Variants in SLC34A1 observed in about 807,000 individuals in gnomAD.
SLC34A1 encodes solute carrier family 34 member 1.
SLC34A1 carries 57 observed loss-of-function variants against 51.4 expected under a neutral mutation model. The observed-to-expected ratio is 1.11, with a 90% CI of 0.90 to 1.38. The LOEUF (loss-of-function observed/expected upper bound fraction) is 1.38, where lower values mean the gene tolerates loss of function less well. Among genes scored for constraint, SLC34A1 ranks in the 40% most tolerant of loss-of-function variants. SLC34A1 has a pLI of 0.00. For missense variants in SLC34A1, 796 were observed against 835.6 expected, an observed-to-expected ratio of 0.95 and a Z score of 0.58; for synonymous variants, 368 against 358.0, an observed-to-expected ratio of 1.03 and a Z score of -0.32.
chr5:177,397,369 G>GA (rs1212867610), intron 12 of SLC34A1: 2 of 504,146 alleles, frequency 4.0e-6, no homozygotes, highest in African/African-American at 3.9e-5. Flanking sequence ...GCAGTTTGGG[G>GA]AATCCATTGC....
chr5:177,393,464 C>T (rs1453772808), intron 8 of SLC34A1, among the ~76,000 whole-genome samples: 1 of 152,098 alleles, frequency 6.6e-6, no homozygotes. Context: ...AGAGCTGGGC[C>T]AGTGGAGTGA....
intron 8 of SLC34A1, chr5:177,389,623 C>A: frequency 6.5e-7 from 1 of 1,537,244 alleles, no homozygotes; most frequent in South Asian, 1.2e-5. Flanking sequence ...TCACCACAAG[C>A]CTCTCTACTT....
Position 177,398,830 on chromosome 5 carries a change from T to TC in SLC34A1, c.*544_*545insC. 6.1e-6 allele frequency: 1 copy of TC among 163,912 alleles called. No homozygotes were observed. The highest frequency in any genetic ancestry group is 1.4e-5 in the Non-Finnish European group (1 of 73,628). The allele number at this position is 163,912 out of a possible 1,614,324, so 10.2% of individuals were successfully genotyped here. A position where few individuals can be genotyped will look rare whatever the true frequency, so the allele number is the denominator to read the frequency against. On this transcript the variant is annotated 3_prime_UTR_variant, in exon 13 of 13. Transcript: ENST00000324417. This position sits in a 1 kb window ranked among gnomAD's most constrained non-coding sequence, Gnocchi z 4.7. ...GCCTGATGGAAAAAAAACAAAGGAA[T>TC]TAAAACTCTCCTCAGGCATTCGGAA...
intron 5 of SLC34A1, 115 bp from the exon 6 acceptor site, chr5:177,387,647 C>G (rs551135625): frequency 1.2e-6 from 1 of 866,254 alleles, no homozygotes; most frequent in African/African-American, 1.6e-5. Flanking sequence ...GACTCAGCAG[C>G]ATGGCAGGAG....
rs1342902229 is a variant in SLC34A1, at chr5:177,388,310, GGT to G, written c.876_877del (p.Asp293Ter). The G allele has an allele frequency of 3.1e-6, 5 of 1,614,026 alleles. No individual in the cohort carries two copies. In the African/African-American group the frequency reaches 6.7e-5, roughly 22 times the overall value. On this transcript the variant is annotated frameshift_variant, in exon 8 of 13. Coordinates refer to ENST00000324417, the MANE Select transcript of SLC34A1 (RefSeq NM_003052.5). LOFTEE classifies it high-confidence loss of function. This position sits in a 1 kb window ranked among gnomAD's most constrained non-coding sequence, Gnocchi z 4.3. ...DESVITSIATGDESLRNHSLI... is the reference protein window; with the variant it reads ...DESVITSIATXDESLRNHSLI... ...GTCTGTGATAACCAGCATTGCCACTGGTGATGAGTCCCTGAGGAACCACAGTC... is the reference window on the plus strand; with the variant it reads ...GTCTGTGATAACCAGCATTGCCACTGGATGAGTCCCTGAGGAACCACAGTC...
intron 12 of SLC34A1, 71 bp from the exon 13 acceptor site, chr5:177,397,712 T>C (rs1763016730): frequency 6.3e-7 from 1 of 1,586,768 alleles, no homozygotes; most frequent in African/African-American, 1.3e-5. Context: ...TCCTATCATC[T>C]ACCCCTGCTG....
chr5:177,389,039 G>A (rs1056390563), intron 8 of SLC34A1, among the ~76,000 whole-genome samples: 1 of 152,114 alleles, frequency 6.6e-6, no homozygotes, highest in African/African-American at 2.4e-5. Context: ...TGCTGGCATC[G>A]GGGGTTCCTT....
intron 8 of SLC34A1, among the ~76,000 whole-genome samples, chr5:177,393,129 T>C (rs1762859053): frequency 6.6e-6 from 1 of 152,068 alleles, no homozygotes; most frequent in South Asian, 2.1e-4. Flanking sequence ...ACCTGTGGCC[T>C]TCTGAATTGT....
At chr5:177,384,705 AC>A (rs1762497181) in intron 1 of SLC34A1, among the ~76,000 whole-genome samples, 1 of 152,108 alleles carries the variant, frequency 6.6e-6, no homozygotes, top group African/African-American at 2.4e-5. Flanking sequence ...CACTAAAAAT[AC>A]AAAAAATTAG....
intron 2 of SLC34A1, 29 bp downstream of exon 2, chr5:177,385,879 TGGTTGCCCAC>T (rs1205341732): frequency 1.2e-5 from 20 of 1,611,792 alleles, no homozygotes; most frequent in African/African-American, 5.3e-5. Context: ...CCCTGGACCC[TGGTTGCCCAC>T]GGTTGCCCAC....
In SLC34A1 at chr5:177,397,065, C is replaced by T. The variant is rs771094987; in HGVS notation, c.1407C>T (p.Ser469=). The T allele has an allele frequency of 1.0e-4, 165 of 1,613,196 alleles. 1 individual carries two copies. The South Asian group carries it at 1.4e-3, about 14-fold the overall frequency. ...CCAGCCCCAGGGAGAAGCTGTCCAGCGCTTTCCAGGTGCGCTGGGAGTGTA... is the reference window on the plus strand; with the variant it reads ...CCAGCCCCAGGGAGAAGCTGTCCAGTGCTTTCCAGGTGCGCTGGGAGTGTA... The part of the protein sequence containing the change: ...ALASPREKLS[S]AFQIALCHFF... Residue 469 remains serine (S), a synonymous_variant, in exon 12 of 13, where the codon AGC becomes AGT. Transcript: ENST00000324417.
intron 8 of SLC34A1, among the ~76,000 whole-genome samples, chr5:177,389,250 T>C (rs928511991): frequency 2.0e-5 from 3 of 152,150 alleles, no homozygotes; most frequent in Non-Finnish European, 2.9e-5. Flanking sequence ...CAATGCACCA[T>C]ATTTGCTTCT....
intron 1 of SLC34A1, among the ~76,000 whole-genome samples, chr5:177,384,739 G>A (rs1376939456): frequency 2.6e-5 from 4 of 152,022 alleles, no homozygotes; most frequent in Admixed American, 1.3e-4. Context: ...GCAGGCACCT[G>A]TAATCCCAGC....
Position 177,387,880 on chromosome 5 carries a change from G to T in SLC34A1, c.644+7G>T. On this transcript the variant is annotated splice_region_variant and intron_variant, in intron 6 of 12. Coordinates refer to ENST00000324417, the MANE Select transcript of SLC34A1 (RefSeq NM_003052.5). ...ACAGGACTGACTTCCGGCGGTGAGGGGGGCTGGGGGTTGGGGGCTCGTGCC... is the reference window on the plus strand; with the variant it reads ...ACAGGACTGACTTCCGGCGGTGAGGTGGGCTGGGGGTTGGGGGCTCGTGCC... The T allele has an allele frequency of 6.2e-7, 1 of 1,609,874 alleles. No individual in the cohort carries two copies. The highest frequency in any genetic ancestry group is 1.1e-5 in the South Asian group (1 of 90,986).
In SLC34A1 at chr5:177,397,812, C is replaced by T; in HGVS notation, c.1446C>T (p.Ile482=). 6.2e-7 allele frequency: 1 copy of T among 1,612,454 alleles called. No individual in the cohort carries two copies. Among genetic ancestry groups the T allele is most frequent in the Non-Finnish European group, 8.5e-7 (1 of 1,180,014 alleles). The part of the protein sequence containing the change: ...QIALCHFFFN[I]SGILLWYPVP... ...CCCTCTGTCACTTCTTCTTCAACAT[C>T]TCGGGTATCCTTCTGTGGTACCCGG... Residue 482 remains isoleucine (I), a synonymous_variant, in exon 13 of 13, where the codon ATC becomes ATT. Transcript: ENST00000324417.
At position 177,396,956 on chromosome 5, in the gene SLC34A1, G is replaced by A. The variant is rs973901975; in HGVS notation, c.1298G>A (p.Gly433Asp). 1 of 1,614,142 alleles carries A rather than the reference G, an allele frequency of 6.2e-7. No homozygotes were observed. The highest frequency in any genetic ancestry group is 8.5e-7 in the Non-Finnish European group (1 of 1,180,026). The change falls in exon 12 of 13, where the codon GGT (glycine) becomes GAT (aspartate). Residue 433 changes from glycine (G) to aspartate (D), a missense_variant. Gly to Asp is a moderately conservative substitution (Grantham distance 94, BLOSUM62 -1). Transcript: ENST00000324417. This position sits in a 1 kb window ranked among gnomAD's most constrained non-coding sequence, Gnocchi z 4.0. ...TSAITPLIGL[G>D]VISIERAYPL... Reference sequence around the variant, plus strand: ...CCTCTCCCTCTGTCCCCAGGTCTTGGTGTGATCAGCATTGAGAGGGCCTAC... The same window carrying A: ...CCTCTCCCTCTGTCCCCAGGTCTTGATGTGATCAGCATTGAGAGGGCCTAC...
Position 177,398,116 on chromosome 5 carries a change from C to G in SLC34A1, c.1750C>G (p.His584Asp). ...ATGGGACTTCCTGCCTCGCTGGATG[C>G]ACTCCCTGAAGCCCCTGGACCACCT... is the stretch of plus-strand genomic sequence containing the variant. ...QTWDFLPRWM[H>D]SLKPLDHLIT... Residue 584 changes from histidine (H) to aspartate (D), a missense_variant, in exon 13 of 13, where the codon CAC becomes GAC. By Grantham distance (81) the His-to-Asp change is moderately conservative (BLOSUM62 -1). Coordinates refer to ENST00000324417, the MANE Select transcript of SLC34A1 (RefSeq NM_003052.5). The surrounding 1 kb of genome is among the most constrained non-coding windows in gnomAD (Gnocchi z 4.7). 6.2e-7 allele frequency: 1 copy of G among 1,611,342 alleles called. No homozygotes were observed. The highest frequency in any genetic ancestry group is 8.5e-7 in the Non-Finnish European group (1 of 1,177,984).
chr5:177,397,251 C>A, intron 12 of SLC34A1, 177 bp downstream of exon 12: 1 of 691,336 alleles, frequency 1.4e-6, no homozygotes, highest in Non-Finnish European at 2.4e-6. Context: ...GAGACCTTAG[C>A]ATCTAATAGG....
At chr5:177,389,346 G>GCCCTTCCCCTTC (rs58015287) in intron 8 of SLC34A1, among the ~76,000 whole-genome samples, 5 of 151,540 alleles carry the variant, frequency 3.3e-5, no homozygotes, top group African/African-American at 4.9e-5. Context: ...CACAGCACAA[G>GCCCTTCCCCTTC]CCCTTCCCCT....
Sources: allele counts gnomAD v4.1 joint callset (sites outside exome capture counted in the v4.1 genomes callset), GRCh38; gene constraint gnomAD v4.1.1; non-coding constraint Gnocchi (gnomAD v3.1); transcripts MANE v1.5; gene names NCBI Gene and HGNC (gene_info 2026-07-23, HGNC 2026-07-21).